Variants in NEDD4L observed in about 807,000 individuals in gnomAD.
NEDD4L encodes E3 ubiquitin-protein ligase NEDD4-like.
Under a neutral mutation model 148.9 loss-of-function variants are expected in NEDD4L, and 54 were observed. The ratio of observed to expected loss-of-function variants is 0.36; its 90% confidence interval spans 0.29 to 0.45. The LOEUF (loss-of-function observed/expected upper bound fraction) is 0.45. Among genes scored for constraint, NEDD4L ranks in the 20% least tolerant of loss-of-function variants. The pLI is 1.00. For missense variants in NEDD4L, 856 were observed against 1,233.8 expected, an observed-to-expected ratio of 0.69 and a Z score of 4.59; for synonymous variants, 433 against 440.7, an observed-to-expected ratio of 0.98 and a Z score of 0.22.
Position 58,100,028 on chromosome 18 carries a change from A to G in NEDD4L, c.48+55320A>G, listed in dbSNP as rs189089049. 3.3e-3 allele frequency among the ~76,000 whole-genome samples: 505 copies of G among 152,338 alleles called. 2 individuals carry two copies. Among genetic ancestry groups the G allele is most frequent in the Non-Finnish European group, 5.6e-3 (384 of 68,032 alleles). ...AAGAAGGGATAAAATACTGATTTCAAGGACTCCTGAAGCCAATGGCAGCTC... is the reference window on the plus strand; with the variant it reads ...AAGAAGGGATAAAATACTGATTTCAGGGACTCCTGAAGCCAATGGCAGCTC... On this transcript the variant is annotated intron_variant, in intron 1 of 30. Coordinates refer to ENST00000400345, the MANE Select transcript of NEDD4L (RefSeq NM_001144967.3).
chr18:58,369,541 T>C (rs2046561908), intron 22 of NEDD4L, among the ~76,000 whole-genome samples: 1 of 152,054 alleles, frequency 6.6e-6, no homozygotes, highest in East Asian at 1.9e-4. Context: ...GTCGGCTTCA[T>C]GCTTTTACTT....
intron 2 of NEDD4L, among the ~76,000 whole-genome samples, chr18:58,240,969 C>T (rs916076198): frequency 6.6e-6 from 1 of 152,072 alleles, no homozygotes; most frequent in African/African-American, 2.4e-5. Flanking sequence ...ACCACCACAC[C>T]CAGCTAATTT....
chr18:58,378,651 G>A (rs2047903468), intron 24 of NEDD4L, among the ~76,000 whole-genome samples: 1 of 152,296 alleles, frequency 6.6e-6, no homozygotes, highest in South Asian at 2.1e-4. Flanking sequence ...TGGAGTGATG[G>A]GGGTGCAGGG....
At chr18:58,166,080 C>T (rs2036814688) in intron 2 of NEDD4L, among the ~76,000 whole-genome samples, 1 of 152,226 alleles carries the variant, frequency 6.6e-6, no homozygotes, top group Non-Finnish European at 1.5e-5. Context: ...CAGTAGTTAA[C>T]AGCCTGTTCT....
At chr18:58,218,430 A>G (rs2147874724) in intron 2 of NEDD4L, among the ~76,000 whole-genome samples, 1 of 152,300 alleles carries the variant, frequency 6.6e-6, no homozygotes, top group Admixed American at 6.5e-5. Flanking sequence ...TTGAGTTTAG[A>G]AAAAATTCCA....
chr18:58,188,836 G>T (rs1232790724), intron 2 of NEDD4L, among the ~76,000 whole-genome samples: 1 of 152,228 alleles, frequency 6.6e-6, no homozygotes, highest in Non-Finnish European at 1.5e-5. Flanking sequence ...TGTCTTTCTA[G>T]AGAAAATGAT....
At chr18:58,286,667 T>TAA (rs1201847677) in intron 5 of NEDD4L, among the ~76,000 whole-genome samples, 1 of 152,226 alleles carries the variant, frequency 6.6e-6, no homozygotes, top group East Asian at 1.9e-4. Flanking sequence ...ATGTTCATGA[T>TAA]AATCCCAGCA....
intron 2 of NEDD4L, among the ~76,000 whole-genome samples, chr18:58,177,891 A>G (rs2038365615): frequency 6.6e-6 from 1 of 152,214 alleles, no homozygotes; most frequent in South Asian, 2.1e-4. Flanking sequence ...TGAACTGGCA[A>G]ATTCTTAAAT....
intron 5 of NEDD4L, among the ~76,000 whole-genome samples, chr18:58,302,668 T>C (rs759636624): frequency 6.6e-6 from 1 of 152,256 alleles, no homozygotes; most frequent in Non-Finnish European, 1.5e-5. Flanking sequence ...GCCTTTCATA[T>C]ACCCTGACAT....
At chr18:58,334,983 T>G (rs2041529367) in intron 12 of NEDD4L, among the ~76,000 whole-genome samples, 1 of 152,158 alleles carries the variant, frequency 6.6e-6, no homozygotes, top group Admixed American at 6.5e-5. Context: ...AACCTCATGA[T>G]CTGTGATTTT....
chr18:58,397,369 T>C lies in NEDD4L; in HGVS notation c.*1100T>C, dbSNP rs1041261636. 6.6e-6 allele frequency: 1 copy of C among 152,650 alleles called. No individual in the cohort carries two copies. The highest frequency in any genetic ancestry group is 2.1e-4 in the South Asian group (1 of 4,828). The allele number at this position is 152,650 out of a possible 1,614,324, so 9.5% of individuals were successfully genotyped here. ...TGGTTTTGTTTTTATTTTTTTATCA[T>C]GAACATTAAATGTGATGATGATTTC... On this transcript the variant is annotated 3_prime_UTR_variant, in exon 31 of 31. Transcript: ENST00000400345.
chr18:58,113,294 G>A (rs1049404697), intron 1 of NEDD4L, among the ~76,000 whole-genome samples: 7 of 152,236 alleles, frequency 4.6e-5, no homozygotes, highest in African/African-American at 1.7e-4. Flanking sequence ...AGTAGACAAG[G>A]TCCCTGCTTC....
At chr18:58,361,561 G>A (rs1490650768) in intron 19 of NEDD4L, among the ~76,000 whole-genome samples, 5 of 152,188 alleles carry the variant, frequency 3.3e-5, no homozygotes, top group African/African-American at 1.2e-4. Flanking sequence ...GTTGCTGACA[G>A]TCCTTGCAAG....
At chr18:58,116,401 C>T (rs142106093) in intron 1 of NEDD4L, among the ~76,000 whole-genome samples, 112 of 152,302 alleles carry the variant, frequency 7.4e-4, no homozygotes, top group African/African-American at 2.4e-3. Context: ...GGTTTAGCTG[C>T]GGTTCTTCCA....
intron 1 of NEDD4L, among the ~76,000 whole-genome samples, chr18:58,084,259 G>A (rs1338807356): frequency 6.6e-6 from 1 of 152,088 alleles, no homozygotes; most frequent in Admixed American, 6.5e-5. Flanking sequence ...GAAGAGGAAG[G>A]AAACAAGGAC....
At chr18:58,248,016 G>A (rs2047480407) in intron 3 of NEDD4L, among the ~76,000 whole-genome samples, 1 of 152,130 alleles carries the variant, frequency 6.6e-6, no homozygotes, top group African/African-American at 2.4e-5. Context: ...TCATCTCCCT[G>A]AACTGATCTA....
chr18:58,099,141 G>A (rs2084602952), intron 1 of NEDD4L, among the ~76,000 whole-genome samples: 2 of 152,010 alleles, frequency 1.3e-5, no homozygotes, highest in African/African-American at 4.8e-5. Flanking sequence ...ACCTGTTTGT[G>A]TCCAGATTCT....
chr18:58,284,036 G>A (rs2053561203), intron 5 of NEDD4L, among the ~76,000 whole-genome samples: 1 of 152,154 alleles, frequency 6.6e-6, no homozygotes, highest in African/African-American at 2.4e-5. Context: ...AGAAAGCAGG[G>A]GAGACCATGG....
At chr18:58,178,678 A>G (rs1421657637) in intron 2 of NEDD4L, among the ~76,000 whole-genome samples, 3 of 152,252 alleles carry the variant, frequency 2.0e-5, no homozygotes, top group African/African-American at 4.8e-5. Context: ...AACACAAGGG[A>G]TAGAAAATAT....
Sources: gnomAD v4.1 joint callset for allele counts (sites outside exome capture counted in the v4.1 genomes callset) on GRCh38, gnomAD v4.1.1 for gene constraint, MANE v1.5 for transcripts, NCBI Gene and HGNC (gene_info 2026-07-23, HGNC 2026-07-21) for gene names.